ZNF778: variants seen among roughly 807,000 people sequenced by gnomAD.
ZNF778 encodes the protein zinc finger protein 778.
A neutral mutation model predicts 23.9 loss-of-function variants in ZNF778; 37 were observed. The ratio of observed to expected loss-of-function variants is 1.54; its 90% CI spans 1.19 to 2.03. The LOEUF (loss-of-function observed/expected upper bound fraction) is 2.03, where lower values mean the gene tolerates loss of function less well. ZNF778 is among the 30% of genes most tolerant of loss of function. The pLI, the probability that ZNF778 is intolerant of heterozygous loss-of-function variation, is 0.00. For missense variants in ZNF778, 1,297 were observed against 934.4 expected, an observed-to-expected ratio of 1.39 and a Z score of -5.06; for synonymous variants, 483 against 343.9, an observed-to-expected ratio of 1.40 and a Z score of -4.48.
chr16:89,225,451 C>G (rs1175999712), intron 5 of ZNF778, 104 bp from the exon 6 acceptor site: 1 of 918,564 alleles, frequency 1.1e-6, no homozygotes, highest in South Asian at 1.6e-5. Flanking sequence ...CATAGCCAAA[C>G]TCCTTAAATC....
At chr16:89,223,395 T>C (rs940331450) in intron 4 of ZNF778, 112 bp downstream of exon 4, 21 of 1,458,916 alleles carry the variant, frequency 1.4e-5, no homozygotes, top group East Asian at 1.1e-4. Context: ...GTAAGAGATA[T>C]AACAACTGTG....
intron 3 of ZNF778, 107 bp from the exon 4 acceptor site, chr16:89,223,050 A>G (rs559411672): frequency 1.5e-6 from 2 of 1,353,126 alleles, no homozygotes; most frequent in East Asian, 2.5e-5. Flanking sequence ...TGGGGTAGAC[A>G]GTAGGAGGCC....
chr16:89,222,057 G>C (rs756254200), intron 2 of ZNF778, 35 bp from the exon 3 acceptor site: 1 of 1,507,932 alleles, frequency 6.6e-7, no homozygotes, highest in South Asian at 1.2e-5. Flanking sequence ...GTCAGCTCTG[G>C]GTTCTCATGC....
chr16:89,222,331 A>G (rs2031037526), intron 3 of ZNF778, 148 bp downstream of exon 3: 1 of 484,500 alleles, frequency 2.1e-6, no homozygotes. Context: ...CTGGCTGGTC[A>G]GGTGTTACTG....
intron 1 of ZNF778, among the ~76,000 whole-genome samples, chr16:89,218,716 G>A (rs1171782153): frequency 1.3e-5 from 2 of 152,264 alleles, no homozygotes; most frequent in East Asian, 1.9e-4. Context: ...GCGTGAACCC[G>A]GGAGGCGGAG....
In ZNF778 at chr16:89,228,487, C is replaced by T. The variant is rs747581112; in HGVS notation, c.2199C>T (p.Asp733=). Residue 733 remains aspartate (D), a synonymous_variant, in exon 7 of 7, where the codon GAC becomes GAT. Coordinates refer to ENST00000433976, the MANE Select transcript of ZNF778 (RefSeq NM_001201407.2). Reference sequence around the variant, plus strand: ...AAGAGCAGGTTTTTGTATGTAAGGACTGTGGAAAATCTTTTAAGAATTCCT... The same window carrying T: ...AAGAGCAGGTTTTTGTATGTAAGGATTGTGGAAAATCTTTTAAGAATTCCT... The part of the protein sequence containing the change: ...YTEEQVFVCK[D]CGKSFKNSSC... 4.0e-5 allele frequency: 64 copies of T among 1,610,866 alleles called. 1 individual carries two copies. The South Asian group carries it at 5.4e-4, about 14-fold the overall frequency.
Position 89,233,802 on chromosome 16 carries a change from C to G in ZNF778, c.*5240C>G. 1 of 1,291,260 alleles carries G rather than the reference C, an allele frequency of 7.7e-7. No homozygotes were observed. The highest frequency in any genetic ancestry group is 1.0e-6 in the Non-Finnish European group (1 of 990,116). The allele number at this position is 1,291,260 out of a possible 1,614,324, so 80.0% of individuals were successfully genotyped here. A position where few individuals can be genotyped will look rare whatever the true frequency, so the allele number is the denominator to read the frequency against. ...CGCACTGCGTATGCAACTCAGCTCG[C>G]ACTGCGTATGCAACTCAACTGTTGC... On this transcript the variant is annotated 3_prime_UTR_variant, in exon 7 of 7. Coordinates refer to ENST00000433976, the MANE Select transcript of ZNF778 (RefSeq NM_001201407.2).
At chr16:89,220,477 G>A (rs1478850672) in intron 1 of ZNF778, among the ~76,000 whole-genome samples, 2 of 152,142 alleles carry the variant, frequency 1.3e-5, no homozygotes, top group Non-Finnish European at 2.9e-5. Flanking sequence ...CTAACATGGT[G>A]AAACCCCACC....
rs1007335905 is a variant in ZNF778 at position 89,227,044 on chromosome 16, A to G, written c.756A>G (p.Thr252=). The change falls in exon 7 of 7, where the codon ACA becomes ACG. Residue 252 remains threonine, a synonymous_variant. Transcript: ENST00000433976. ...CGGGAAGTCACAACGGAGAAGAAAC[A>G]TGGAAATGGAAGCCGTGTGGGAAAG... ...ARAGSHNGEE[T]WKWKPCGKAL... 5.0e-6 allele frequency: 8 copies of G among 1,613,866 alleles called. No individual in the cohort carries two copies. In the African/African-American group the frequency reaches 9.3e-5, roughly 19 times the overall value.
intron 2 of ZNF778, 57 bp from the exon 3 acceptor site, chr16:89,222,035 T>C (rs1305460488): frequency 7.8e-6 from 10 of 1,276,962 alleles, no homozygotes; most frequent in Non-Finnish European, 9.9e-6. Flanking sequence ...GGTCCATGAG[T>C]GTGGAATTAG....
intron 5 of ZNF778, among the ~76,000 whole-genome samples, chr16:89,225,226 C>T (rs2031369562): frequency 6.9e-6 from 1 of 144,006 alleles, no homozygotes; most frequent in African/African-American, 2.6e-5. Context: ...CTCAGTTCTT[C>T]TGCCTCAGCC....
chr16:89,227,658 C>T lies in ZNF778; in HGVS notation c.1370C>T (p.Ala457Val). The T allele has an allele frequency of 6.2e-7, 1 of 1,614,178 alleles. No individual in the cohort carries two copies. The highest frequency in any genetic ancestry group is 8.5e-7 in the Non-Finnish European group (1 of 1,180,008). Residue 457 changes from alanine (A) to valine (V), a missense_variant, in exon 7 of 7, where the codon GCC becomes GTC. By Grantham distance (64) the Ala-to-Val change is moderately conservative. Coordinates refer to ENST00000433976, the MANE Select transcript of ZNF778 (RefSeq NM_001201407.2). The part of the protein sequence containing the change: ...KPYTCKDCGK[A>V]FCTSSGLTEH... ...TACACGTGTAAGGACTGCGGGAAAG[C>T]CTTCTGTACATCCTCGGGCCTTACT...
intron 1 of ZNF778, among the ~76,000 whole-genome samples, chr16:89,218,698 G>C (rs374072113): frequency 6.6e-6 from 1 of 152,248 alleles, no homozygotes; most frequent in Non-Finnish European, 1.5e-5. Flanking sequence ...GGCTGAGGCA[G>C]GAGAATGGCG....
rs991819082 is a variant in ZNF778, at chr16:89,234,175, G to A, written c.*5613G>A. ...GTGTGTGTCACTCACTCACCTTGAC[G>A]AGTCCGCGTCTAGGCCCCACCAGTG... On this transcript the variant is annotated 3_prime_UTR_variant, in exon 7 of 7. Coordinates refer to ENST00000433976, the MANE Select transcript of ZNF778 (RefSeq NM_001201407.2). 8 of 403,076 alleles carry A rather than the reference G, an allele frequency of 2.0e-5. No homozygotes were observed. Among genetic ancestry groups the A allele is most frequent in the East Asian group, 7.1e-5 (1 of 14,036 alleles). 25.0% of individuals were successfully genotyped at this position (403,076 alleles called of 1,614,324 possible).
chr16:89,221,896 TTG>T (rs1232243435), intron 2 of ZNF778, among the ~76,000 whole-genome samples, 194 bp from the exon 3 acceptor site: 3 of 149,910 alleles, frequency 2.0e-5, no homozygotes, highest in African/African-American at 7.4e-5. Flanking sequence ...CTGTATGGCT[TTG>T]TGTGTGTGTT....
rs2031726662 is a variant in ZNF778, at chr16:89,228,674, CTCA to C, written c.*116_*118del. ...AGGAATGTGGCTAGGCAATCAGCAT[CTCA>C]TCACAACCCGGCAGGCAGGAACTCA... is the stretch of plus-strand genomic sequence containing the variant. On this transcript the variant is annotated 3_prime_UTR_variant, in exon 7 of 7. Coordinates refer to ENST00000433976, the MANE Select transcript of ZNF778 (RefSeq NM_001201407.2). 6.7e-7 allele frequency: 1 copy of C among 1,494,704 alleles called. No individual in the cohort carries two copies. Among genetic ancestry groups the C allele is most frequent in the Admixed American group, 2.5e-5 (1 of 39,542 alleles). 92.6% of individuals were successfully genotyped at this position (1,494,704 alleles called of 1,614,324 possible).
rs1407138579 is a variant in ZNF778 at position 89,227,519 on chromosome 16, C to T, written c.1231C>T (p.His411Tyr). ...YFRNSSCLNN[H>Y]VRIHTGIKPY... ...TAGAAATTCCTCATGCCTTAATAAT[C>T]ATGTTCGAATTCACACTGGAATAAA... is the stretch of plus-strand genomic sequence containing the variant. The change falls in exon 7 of 7, where the codon CAT becomes TAT. Residue 411 changes from histidine (H) to tyrosine (Y), a missense_variant. By Grantham distance (83) the His-to-Tyr change is moderately conservative (BLOSUM62 2). Coordinates refer to ENST00000433976, the MANE Select transcript of ZNF778 (RefSeq NM_001201407.2). 3 of 1,613,898 alleles carry T rather than the reference C, an allele frequency of 1.9e-6. No individual in the cohort carries two copies. The highest frequency in any genetic ancestry group is 1.3e-5 in the African/African-American group (1 of 74,878).
rs934888409 is a variant in ZNF778, at chr16:89,231,349, C to T, written c.*2787C>T. The stretch of plus-strand genomic sequence containing the variant: ...GTCACAGGTGACGCCAGGACTGCAT[C>T]ATCCTGGTGCTCGGACTCCTAGTGA... On this transcript the variant is annotated 3_prime_UTR_variant, in exon 7 of 7. Transcript: ENST00000433976. The T allele has an allele frequency of 6.6e-6, 1 of 152,196 alleles. No homozygotes were observed. The highest frequency in any genetic ancestry group is 2.4e-5 in the African/African-American group (1 of 41,444). 9.4% of individuals were successfully genotyped at this position (152,196 alleles called of 1,614,324 possible).
Position 89,227,204 on chromosome 16 carries a change from G to A in ZNF778, c.916G>A (p.Glu306Lys). Reference protein sequence around the residue: ...LTGRVQVHPGEKPCELEECGK... With the variant: ...LTGRVQVHPGKKPCELEECGK... ...TGGTCGCGTGCAAGTCCACCCTGGG[G>A]AAAAGCCCTGTGAATTGGAAGAATG... Residue 306 changes from glutamate to lysine, a missense_variant, in exon 7 of 7, where the codon GAA becomes AAA. Physicochemically the swap from Glu to Lys is moderately conservative, Grantham distance 56. Coordinates refer to ENST00000433976, the MANE Select transcript of ZNF778 (RefSeq NM_001201407.2). 1 of 1,613,886 alleles carries A rather than the reference G, an allele frequency of 6.2e-7. No individual in the cohort carries two copies. Among genetic ancestry groups the A allele is most frequent in the Non-Finnish European group, 8.5e-7 (1 of 1,179,796 alleles).
Sources: gnomAD v4.1 joint callset for allele counts (sites outside exome capture counted in the v4.1 genomes callset) on GRCh38, gnomAD v4.1.1 for gene constraint, MANE v1.5 for transcripts, NCBI Gene and HGNC (gene_info 2026-07-23, HGNC 2026-07-21) for gene names.